The following WDR4 variants were observed in gnomAD, a reference collection of about 807,000 sequenced individuals.
WDR4 encodes tRNA (guanine-N(7)-)-methyltransferase non-catalytic subunit WDR4.
Under a neutral mutation model 48.6 loss-of-function variants are expected in WDR4, and 47 were observed. The observed-to-expected ratio is 0.97, with a 90% CI of 0.77 to 1.23. The LOEUF (loss-of-function observed/expected upper bound fraction) is 1.23, where lower values mean the gene tolerates loss of function less well. WDR4 is among the 50% of genes most tolerant of loss of function. The pLI is 0.00. For missense variants in WDR4, 606 were observed against 551.6 expected (o/e 1.10, Z -0.99); for synonymous variants, 268 against 230.0 (o/e 1.17, Z -1.49).
chr21:42,864,174 G>A (rs1452192570), intron 3 of WDR4, among the ~76,000 whole-genome samples: 2 of 149,752 alleles, frequency 1.3e-5, no homozygotes, highest in Non-Finnish European at 3.0e-5. Flanking sequence ...TCTAGGTGGT[G>A]GATAAATGCG....
chr21:42,887,505 G>A, the WDR4 span, among the ~76,000 whole-genome samples: 20 of 152,028 alleles, frequency 1.3e-4, no homozygotes, highest in African/African-American at 4.8e-4. Flanking sequence ...GAAATGTCTC[G>A]TGTCACACGG....
chr21:42,862,415 A>T lies in WDR4; in HGVS notation c.454-21T>A. 1 of 1,578,992 alleles carries T rather than the reference A, an allele frequency of 6.3e-7. No individual in the cohort carries two copies. Among genetic ancestry groups the T allele is most frequent in the Non-Finnish European group, 8.6e-7 (1 of 1,161,244 alleles). On this transcript the variant is annotated intron_variant, in intron 4 of 10. Transcript: ENST00000398208. The surrounding 1 kb of genome is among the most constrained non-coding windows in gnomAD (Gnocchi z 4.3). ...ACAGCCTGCATCACCAGGGGCCAGA[A>T]AAGAAAAAGCCGCTCACCTGAGTCT...
At chr21:42,875,232 G>A (rs536310979) in intron 2 of WDR4, among the ~76,000 whole-genome samples, 2 of 152,128 alleles carry the variant, frequency 1.3e-5, no homozygotes, top group South Asian at 2.1e-4. Flanking sequence ...GTAACATGGC[G>A]AAACCACGTC....
chr21:42,872,573 C>T (rs901176488), intron 3 of WDR4, among the ~76,000 whole-genome samples: 7 of 149,316 alleles, frequency 4.7e-5, no homozygotes, highest in Non-Finnish European at 1.5e-5. Context: ...ATCACACCAC[C>T]GCACTCCAGC....
the WDR4 span, among the ~76,000 whole-genome samples, chr21:42,886,506 T>C: frequency 6.6e-6 from 1 of 152,214 alleles, no homozygotes; most frequent in African/African-American, 2.4e-5. Flanking sequence ...TCCAGCAGTT[T>C]TGCTGAATTC....
At chr21:42,883,285 A>C (rs1188539881), upstream of WDR4, among the ~76,000 whole-genome samples, 1 of 148,948 alleles carries the variant, frequency 6.7e-6, no homozygotes, top group Non-Finnish European at 1.5e-5. Context: ...AAAAAAAAAA[A>C]AAAAAAGAAA....
chr21:42,876,375 A>G (rs8131459), intron 2 of WDR4, among the ~76,000 whole-genome samples: 90,755 of 151,598 alleles, frequency 0.6, 27,907 homozygotes, highest in African/African-American at 0.71. Context: ...CACCACGCCC[A>G]GCTAACTTTT....
chr21:42,852,419 G>A, intron 9 of WDR4, 95 bp from the exon 10 acceptor site: 2 of 1,418,894 alleles, frequency 1.4e-6, no homozygotes. Context: ...AGGCTTGCAG[G>A]GGAGGTCCCC....
At chr21:42,892,969 G>C in the WDR4 span, among the ~76,000 whole-genome samples, 1 of 152,272 alleles carries the variant, frequency 6.6e-6, no homozygotes, top group Non-Finnish European at 1.5e-5. Context: ...CAAGGGCAAA[G>C]AAGTGCGAAG....
chr21:42,859,906 A>G (rs1370214316), intron 5 of WDR4, among the ~76,000 whole-genome samples, 184 bp from the exon 6 acceptor site: 1 of 152,042 alleles, frequency 6.6e-6, no homozygotes, highest in Non-Finnish European at 1.5e-5. Flanking sequence ...AACCAGGTGG[A>G]GGCCCCTGGA....
At chr21:42,854,466 C>T (rs2057930277) in intron 8 of WDR4, 96 bp downstream of exon 8, 1 of 1,266,494 alleles carries the variant, frequency 7.9e-7, no homozygotes, top group African/African-American at 1.5e-5. Flanking sequence ...CGTTCAGGAC[C>T]TCTTCATTGA....
At chr21:42,865,981 A>G (rs2058236578) in intron 3 of WDR4, among the ~76,000 whole-genome samples, 1 of 151,300 alleles carries the variant, frequency 6.6e-6, no homozygotes, top group South Asian at 2.1e-4. Flanking sequence ...CCACACCCAC[A>G]CTCCAGCAGC....
At chr21:42,857,406 GC>G (rs2058020895) in intron 6 of WDR4, among the ~76,000 whole-genome samples, 1 of 152,070 alleles carries the variant, frequency 6.6e-6, no homozygotes, top group South Asian at 2.1e-4. Flanking sequence ...AGCCCCTCGG[GC>G]CCCACCCTGG....
the WDR4 span, among the ~76,000 whole-genome samples, chr21:42,889,173 G>C: frequency 5.7e-4 from 86 of 151,620 alleles, no homozygotes; most frequent in African/African-American, 2.1e-3. Context: ...AGTAGAGACG[G>C]GGTTTCACCA....
intron 3 of WDR4, 120 bp downstream of exon 3, chr21:42,873,431 T>C (rs1569334929): frequency 9.3e-6 from 13 of 1,403,880 alleles, no homozygotes; most frequent in Non-Finnish European, 1.3e-5. Context: ...GGCACTGAAC[T>C]GCGGCTCCGT....
At chr21:42,863,011 A>G (rs2058154608) in intron 4 of WDR4, among the ~76,000 whole-genome samples, 1 of 152,154 alleles carries the variant, frequency 6.6e-6, no homozygotes, top group African/African-American at 2.4e-5. Flanking sequence ...CACCTGGCAC[A>G]GCTCCCGGCC....
At position 42,859,643 on chromosome 21, in the gene WDR4, C is replaced by T. The variant is rs750192588; in HGVS notation, c.627+19G>A. 1.7e-5 allele frequency: 21 copies of T among 1,230,218 alleles called. No homozygotes were observed. The highest frequency in any genetic ancestry group is 2.3e-5 in the Admixed American group (1 of 43,534). The allele number at this position is 1,230,218 out of a possible 1,614,324, so 76.2% of individuals were successfully genotyped here. ...GGCTCAAGAATCCAGAGGTGAGTGA[C>T]GCTGGGCAGAACACTTACCCCAGAG... On this transcript the variant is annotated intron_variant, in intron 6 of 10. Transcript: ENST00000398208.
At chr21:42,881,087 CAGTGG>C (rs1419000749), upstream of WDR4, among the ~76,000 whole-genome samples, 1 of 152,080 alleles carries the variant, frequency 6.6e-6, no homozygotes, top group Non-Finnish European at 1.5e-5. Flanking sequence ...TTGTATTTTT[CAGTGG>C]AGACGGGGTT....
intron 6 of WDR4, among the ~76,000 whole-genome samples, chr21:42,859,129 G>A (rs988919371): frequency 6.6e-6 from 1 of 152,080 alleles, no homozygotes; most frequent in Non-Finnish European, 1.5e-5. Context: ...ATGCACTGTG[G>A]TAACCCGGGT....
Sources: allele counts gnomAD v4.1 joint callset (sites outside exome capture counted in the v4.1 genomes callset), GRCh38; gene constraint gnomAD v4.1.1; non-coding constraint Gnocchi (gnomAD v3.1); transcripts MANE v1.5; gene names NCBI Gene and HGNC (gene_info 2026-07-23, HGNC 2026-07-21).